DDX60: variants seen among roughly 807,000 people sequenced by gnomAD.
DDX60 encodes the protein DExD/H-box helicase 60.
Under a neutral mutation model 212.8 loss-of-function variants are expected in DDX60, and 165 were observed. The observed-to-expected ratio is 0.78, with a 90% CI of 0.68 to 0.88. The LOEUF is 0.88. DDX60 is among the 40% of genes least tolerant of loss of function. The probability of loss-of-function intolerance (pLI) is 0.00; values close to 1 mark genes in which losing one functional copy is unlikely to be tolerated. For synonymous variants in DDX60, 703 were observed against 685.3 expected, an observed-to-expected ratio of 1.03 and a Z score of -0.40; for missense variants, 1,905 against 2,003.9, an observed-to-expected ratio of 0.95 and a Z score of 0.94.
chr4:168,253,896 G>A (rs1318885678), intron 26 of DDX60, among the ~76,000 whole-genome samples: 1 of 152,096 alleles, frequency 6.6e-6, no homozygotes, highest in Non-Finnish European at 1.5e-5. Context: ...TCACTTATTT[G>A]ATTTTTTAAA....
At chr4:168,239,716 G>A (rs1324199442) in intron 30 of DDX60, among the ~76,000 whole-genome samples, 1 of 152,038 alleles carries the variant, frequency 6.6e-6, no homozygotes, top group Non-Finnish European at 1.5e-5. Context: ...TCCTCAGACT[G>A]GAATGTGCCT....
intron 1 of DDX60, among the ~76,000 whole-genome samples, chr4:168,317,946 A>T (rs1737472505): frequency 6.6e-6 from 1 of 152,192 alleles, no homozygotes. Flanking sequence ...ATGGTGTCCC[A>T]TGAGGCCACA....
chr4:168,324,050 T>C, the DDX60 span, among the ~76,000 whole-genome samples: 1 of 152,158 alleles, frequency 6.6e-6, no homozygotes, highest in Non-Finnish European at 1.5e-5. Context: ...TCTCCAGCAA[T>C]GTGGCATCTG....
intron 13 of DDX60, among the ~76,000 whole-genome samples, chr4:168,280,921 T>C (rs187617209): frequency 5.3e-5 from 8 of 152,118 alleles, no homozygotes; most frequent in Admixed American, 3.9e-4. Flanking sequence ...TGGAGGATCA[T>C]CTGAAGCCAG....
intron 25 of DDX60, 133 bp downstream of exon 25, chr4:168,260,732 T>C: frequency 1.2e-6 from 1 of 811,214 alleles, no homozygotes; most frequent in Non-Finnish European, 2.0e-6. Flanking sequence ...CACCTCCTGC[T>C]CTGTGGCACA....
At chr4:168,244,721 T>C (rs1733963847) in intron 30 of DDX60, among the ~76,000 whole-genome samples, 3 of 150,330 alleles carry the variant, frequency 2.0e-5, no homozygotes, top group Admixed American at 6.6e-5. Context: ...CAAGACTCTA[T>C]CTCAAAAAAG....
rs1306565600 is a variant in DDX60, at chr4:168,225,678, T to A, written c.4534-2A>T. 1 of 1,607,606 alleles carries A rather than the reference T, an allele frequency of 6.2e-7. No homozygotes were observed. The highest frequency in any genetic ancestry group is 8.5e-7 in the Non-Finnish European group (1 of 1,177,936). ...CTCAGGGAGATCATCAAGGAACACC[T>A]AGAAGCCGAATAATTTTCATAGAGA... On this transcript the variant is annotated splice_acceptor_variant, in intron 33 of 37. Transcript: ENST00000393743. LOFTEE classifies it high-confidence loss of function.
intron 30 of DDX60, among the ~76,000 whole-genome samples, chr4:168,240,526 A>G (rs2149498622): frequency 6.6e-6 from 1 of 152,298 alleles, no homozygotes; most frequent in South Asian, 2.1e-4. Context: ...GACAATCCTA[A>G]GCAAAAAGAA....
chr4:168,318,136 T>C (rs1482145193), intron 1 of DDX60, among the ~76,000 whole-genome samples: 2 of 152,212 alleles, frequency 1.3e-5, no homozygotes, highest in African/African-American at 2.4e-5. Flanking sequence ...ATTTCTATTG[T>C]CTTAAGCCAC....
chr4:168,290,683 G>A (rs745806876), intron 8 of DDX60, among the ~76,000 whole-genome samples: 19 of 151,916 alleles, frequency 1.3e-4, no homozygotes, highest in Non-Finnish European at 2.6e-4. Context: ...AAACACCATC[G>A]TTTTCAGACT....
intron 19 of DDX60, among the ~76,000 whole-genome samples, chr4:168,269,361 G>A (rs1329337939): frequency 2.6e-5 from 4 of 152,128 alleles, no homozygotes; most frequent in African/African-American, 9.7e-5. Context: ...CACTTTGGGA[G>A]GCCGAGGAGG....
At chr4:168,258,143 T>TCTGCAACTTTC (rs11272772) in intron 25 of DDX60, among the ~76,000 whole-genome samples, 148,737 of 152,312 alleles carry the variant, frequency 0.98, 72,641 homozygotes, top group East Asian at 1. Flanking sequence ...CATCCTGGTA[T>TCTGCAACTTTC]ACAAGAATGA....
chr4:168,268,991 A>C, intron 19 of DDX60, 22 bp from the exon 20 acceptor site: 1 of 1,095,784 alleles, frequency 9.1e-7, no homozygotes, highest in East Asian at 2.5e-5. Context: ...AAAAAAAAAA[A>C]TCTCAACTGA....
At chr4:168,251,149 T>C in intron 27 of DDX60, 43 bp from the exon 28 acceptor site, 1 of 1,536,312 alleles carries the variant, frequency 6.5e-7, no homozygotes, top group Non-Finnish European at 8.8e-7. Context: ...TTAATTTTAA[T>C]TATAATTAAA....
chr4:168,264,751 T>C (rs778263210), intron 22 of DDX60, among the ~76,000 whole-genome samples: 4 of 152,222 alleles, frequency 2.6e-5, no homozygotes, highest in Non-Finnish European at 4.4e-5. Context: ...TTATCCCTTA[T>C]AGTTCTTAAT....
intron 14 of DDX60, among the ~76,000 whole-genome samples, chr4:168,278,230 C>A (rs1050003548): frequency 6.6e-6 from 1 of 152,180 alleles, no homozygotes; most frequent in African/African-American, 2.4e-5. Context: ...CAGTCAGAAA[C>A]AATCTTTTAT....
At position 168,288,070 on chromosome 4, in the gene DDX60, CTATGT is replaced by C. The variant is rs1222497490; in HGVS notation, c.1183+99_1183+103del. 10 of 685,540 alleles carry C rather than the reference CTATGT, an allele frequency of 1.5e-5. No homozygotes were observed. In the East Asian group the frequency reaches 1.9e-4, roughly 13 times the overall value. 42.5% of individuals were successfully genotyped at this position (685,540 alleles called of 1,614,324 possible). On this transcript the variant is annotated intron_variant, in intron 9 of 37. Coordinates refer to ENST00000393743, the MANE Select transcript of DDX60 (RefSeq NM_017631.6). The stretch of plus-strand genomic sequence containing the variant: ...ATGTGAACAAAGATGAAAATAATTG[CTATGT>C]TATATGTTGGAAGTACAGAAAAATT...
intron 1 of DDX60, among the ~76,000 whole-genome samples, chr4:168,311,682 T>G (rs1482174699): frequency 6.6e-6 from 1 of 152,176 alleles, no homozygotes; most frequent in Non-Finnish European, 1.5e-5. Context: ...AATACCAGAA[T>G]ACCATGTGTA....
intron 30 of DDX60, among the ~76,000 whole-genome samples, chr4:168,241,283 G>C (rs1180800606): frequency 6.6e-6 from 1 of 151,526 alleles, no homozygotes; most frequent in East Asian, 1.9e-4. Flanking sequence ...GTTGGTACCA[G>C]TAGAGTGGGG....
Sources: gnomAD v4.1 joint callset for allele counts (sites outside exome capture counted in the v4.1 genomes callset) on GRCh38, gnomAD v4.1.1 for gene constraint, MANE v1.5 for transcripts, NCBI Gene and HGNC (gene_info 2026-07-23, HGNC 2026-07-21) for gene names.